The following SERPINB12 variants were observed in gnomAD, a reference collection of about 807,000 sequenced individuals.
SERPINB12 encodes the protein serpin family B member 12, also known as serpin B12.
Under a neutral mutation model 41.1 loss-of-function variants are expected in SERPINB12, and 57 were observed. The ratio of observed to expected loss-of-function variants is 1.39; its 90% confidence interval spans 1.12 to 1.73. The LOEUF is 1.73. Among genes scored for constraint, SERPINB12 ranks in the 40% most tolerant of loss-of-function variants. SERPINB12 has a pLI of 0.00. For missense variants in SERPINB12, 536 were observed against 501.9 expected, an observed-to-expected ratio of 1.07 and a Z score of -0.65; for synonymous variants, 180 against 181.3, an observed-to-expected ratio of 0.99 and a Z score of 0.06.
upstream of SERPINB12, among the ~76,000 whole-genome samples, chr18:63,540,947 G>A (rs989291836): frequency 2.0e-5 from 3 of 152,114 alleles, no homozygotes; most frequent in Non-Finnish European, 4.4e-5. Flanking sequence ...AGTGTGTGTA[G>A]AGAAAAGGAA....
chr18:63,546,567 A>C (rs1043437946), intron 1 of SERPINB12, among the ~76,000 whole-genome samples: 3 of 152,234 alleles, frequency 2.0e-5, no homozygotes, highest in African/African-American at 7.2e-5. Flanking sequence ...GCAAAAATTC[A>C]AATATAAGAA....
At chr18:63,543,054 G>A (rs1196348926) in intron 1 of SERPINB12, among the ~76,000 whole-genome samples, 2 of 152,076 alleles carry the variant, frequency 1.3e-5, no homozygotes, top group Non-Finnish European at 2.9e-5. Context: ...CTACTTTCTA[G>A]CATTATGATT....
chr18:63,563,678 C>T (rs1019575567), intron 5 of SERPINB12, among the ~76,000 whole-genome samples: 2 of 152,136 alleles, frequency 1.3e-5, no homozygotes, highest in Non-Finnish European at 1.5e-5. Context: ...GGGCAGATCA[C>T]CTGAGGTCAG....
chr18:63,543,291 C>T (rs1215752359), intron 1 of SERPINB12, among the ~76,000 whole-genome samples: 1 of 152,162 alleles, frequency 6.6e-6, no homozygotes, highest in Non-Finnish European at 1.5e-5. Flanking sequence ...CAATGGCAGT[C>T]CCCTTTACTA....
chr18:63,527,839 C>T, the SERPINB12 span, among the ~76,000 whole-genome samples: 2 of 152,174 alleles, frequency 1.3e-5, no homozygotes, highest in East Asian at 3.9e-4. Context: ...TGGCTGTGTC[C>T]CCACTCAAAT....
chr18:63,546,473 A>G (rs911780121), intron 1 of SERPINB12, among the ~76,000 whole-genome samples: 4 of 152,258 alleles, frequency 2.6e-5, no homozygotes, highest in African/African-American at 9.6e-5. Context: ...CCACACACCT[A>G]CTGCAGGAAA....
At chr18:63,542,919 C>G (rs1653695621) in intron 1 of SERPINB12, among the ~76,000 whole-genome samples, 1 of 152,108 alleles carries the variant, frequency 6.6e-6, no homozygotes, top group Admixed American at 6.6e-5. Context: ...TGTGTTAGTT[C>G]CCTTAGGATA....
At chr18:63,539,593 C>T (rs77765616), upstream of SERPINB12, among the ~76,000 whole-genome samples, 2,734 of 152,178 alleles carry the variant, frequency 0.018, 86 homozygotes, top group African/African-American at 0.062. Flanking sequence ...CCCCACCCCA[C>T]CCCGCCTGCT....
chr18:63,558,237 T>C, intron 2 of SERPINB12, 115 bp from the exon 3 acceptor site: 1 of 1,207,774 alleles, frequency 8.3e-7, no homozygotes. Flanking sequence ...CTGTTGTTGA[T>C]TGTTTTGTTT....
At chr18:63,526,488 T>C in the SERPINB12 span, among the ~76,000 whole-genome samples, 2 of 152,164 alleles carry the variant, frequency 1.3e-5, no homozygotes, top group African/African-American at 4.8e-5. Flanking sequence ...AGCTTTCATC[T>C]TAGAATTTTA....
the SERPINB12 span, among the ~76,000 whole-genome samples, chr18:63,533,176 C>A: frequency 6.6e-6 from 1 of 152,122 alleles, no homozygotes; most frequent in African/African-American, 2.4e-5. Context: ...CGGGGTTTCA[C>A]CATGTTGGCC....
At chr18:63,533,634 C>T in the SERPINB12 span, among the ~76,000 whole-genome samples, 1 of 152,200 alleles carries the variant, frequency 6.6e-6, no homozygotes, top group Non-Finnish European at 1.5e-5. Flanking sequence ...TCTTTCACTG[C>T]TGACCCAGAG....
the SERPINB12 span, among the ~76,000 whole-genome samples, chr18:63,535,667 T>C: frequency 1.3e-5 from 2 of 152,154 alleles, no homozygotes; most frequent in Admixed American, 1.3e-4. Context: ...ACTGGTGACA[T>C]TGGAATATGA....
chr18:63,559,026 C>CTT (rs1489962557), intron 3 of SERPINB12, among the ~76,000 whole-genome samples: 1 of 68,022 alleles, frequency 1.5e-5, no homozygotes, highest in Non-Finnish European at 3.8e-5. Flanking sequence ...TTCTTTCTTT[C>CTT]TTTCTTTCTT....
chr18:63,527,373 A>G, the SERPINB12 span, among the ~76,000 whole-genome samples: 1 of 152,188 alleles, frequency 6.6e-6, no homozygotes, highest in Non-Finnish European at 1.5e-5. Flanking sequence ...TTCCTTTCAG[A>G]CTATCAATCC....
rs189077252 is a variant in SERPINB12 at position 63,558,299 on chromosome 18, C to T, written c.169-53C>T. On this transcript the variant is annotated intron_variant, in intron 2 of 7. Transcript: ENST00000382768. Reference sequence around the variant, plus strand: ...ATTATGAAATGTTTCTGAAGTTATTCAGGCTTCCCTCTGTTCATATTATCT... The same window carrying T: ...ATTATGAAATGTTTCTGAAGTTATTTAGGCTTCCCTCTGTTCATATTATCT... 6.5e-6 allele frequency: 10 copies of T among 1,537,000 alleles called. No individual in the cohort carries two copies. In the East Asian group the frequency reaches 1.8e-4, roughly 28 times the overall value.
intron 1 of SERPINB12, among the ~76,000 whole-genome samples, 137 bp from the exon 2 acceptor site, chr18:63,556,005 G>A (rs544863322): frequency 1.3e-5 from 2 of 152,134 alleles, no homozygotes; most frequent in Admixed American, 1.3e-4. Flanking sequence ...GGATGATAAT[G>A]ACCTTAGTTT....
chr18:63,529,099 C>G, the SERPINB12 span, among the ~76,000 whole-genome samples: 8 of 152,116 alleles, frequency 5.3e-5, no homozygotes, highest in Non-Finnish European at 1.2e-4. Flanking sequence ...GACTAAATAA[C>G]AAACAGAGAG....
intron 2 of SERPINB12, among the ~76,000 whole-genome samples, chr18:63,557,423 A>AT (rs1158850105): frequency 6.6e-6 from 1 of 152,212 alleles, no homozygotes; most frequent in Non-Finnish European, 1.5e-5. Flanking sequence ...AAATCCCCAA[A>AT]TAAACTACAA....
Sources: gnomAD v4.1 joint callset for allele counts (sites outside exome capture counted in the v4.1 genomes callset) on GRCh38, gnomAD v4.1.1 for gene constraint, MANE v1.5 for transcripts, NCBI Gene and HGNC (gene_info 2026-07-23, HGNC 2026-07-21) for gene names.